The following PHACTR3 variants were observed in gnomAD, a reference collection of about 807,000 sequenced individuals.
PHACTR3 encodes the protein phosphatase and actin regulator 3, also known as protein phosphatase 1, regulatory subunit 123.
Under a neutral mutation model 66.8 loss-of-function variants are expected in PHACTR3, and 16 were observed. The ratio of observed to expected loss-of-function variants is 0.24; its 90% confidence interval spans 0.16 to 0.36. The LOEUF is 0.36. Ranked by LOEUF, PHACTR3 falls within the 10% of genes least tolerant of loss-of-function variation. The probability of loss-of-function intolerance (pLI) is 1.00; values close to 1 mark genes in which losing one functional copy is unlikely to be tolerated. For missense variants in PHACTR3, 647 were observed against 719.9 expected, an observed-to-expected ratio of 0.90 and a Z score of 1.16; for synonymous variants, 323 against 292.1, an observed-to-expected ratio of 1.11 and a Z score of -1.08.
At chr20:59,714,664 G>A (rs1188248474) in intron 1 of PHACTR3, among the ~76,000 whole-genome samples, 5 of 151,914 alleles carry the variant, frequency 3.3e-5, no homozygotes, top group Non-Finnish European at 7.4e-5. Context: ...AGTCATTCTT[G>A]GTTCTAGACA....
intron 1 of PHACTR3, among the ~76,000 whole-genome samples, chr20:59,648,511 T>C (rs2035359018): frequency 6.6e-6 from 1 of 152,210 alleles, no homozygotes; most frequent in Non-Finnish European, 1.5e-5. Flanking sequence ...AAAAACATCT[T>C]TAAAATCTCC....
chr20:59,748,794 T>C lies in PHACTR3; in HGVS notation c.358+959T>C, dbSNP rs188266595. On this transcript the variant is annotated intron_variant, in intron 3 of 12. Transcript: ENST00000371015. Reference sequence around the variant, plus strand: ...GTTTCCTGAGGCTTGCATGGATATATTGAATTCCTCTCTCCCCACTTCAGC... The same window carrying C: ...GTTTCCTGAGGCTTGCATGGATATACTGAATTCCTCTCTCCCCACTTCAGC... Among the ~76,000 whole-genome samples the C allele has an allele frequency of 1.8e-4, 27 of 152,304 alleles. No homozygotes were observed. In the East Asian group the frequency reaches 5.2e-3, roughly 29 times the overall value.
intron 1 of PHACTR3, among the ~76,000 whole-genome samples, chr20:59,714,838 G>A (rs2038040027): frequency 6.6e-6 from 1 of 151,976 alleles, no homozygotes; most frequent in South Asian, 2.1e-4. Flanking sequence ...TTGTATTTAG[G>A]CTATTTTTCT....
intron 3 of PHACTR3, among the ~76,000 whole-genome samples, chr20:59,751,802 G>T (rs191566931): frequency 6.6e-6 from 1 of 152,112 alleles, no homozygotes; most frequent in East Asian, 2.0e-4. Context: ...AGGGCAGAGG[G>T]GACCCCTCTG....
chr20:59,752,433 C>T (rs531277282), intron 3 of PHACTR3, among the ~76,000 whole-genome samples: 3 of 152,172 alleles, frequency 2.0e-5, no homozygotes, highest in South Asian at 2.1e-4. Flanking sequence ...GGGCTCCCAC[C>T]GCTCCCCCAA....
intron 7 of PHACTR3, among the ~76,000 whole-genome samples, chr20:59,794,553 T>C (rs2041198642): frequency 6.6e-6 from 1 of 152,186 alleles, no homozygotes; most frequent in African/African-American, 2.4e-5. Context: ...ATGCTGGCCT[T>C]GTAGAATAGT....
intron 8 of PHACTR3, among the ~76,000 whole-genome samples, chr20:59,810,268 A>G (rs144056629): frequency 3.3e-5 from 5 of 152,364 alleles, no homozygotes; most frequent in African/African-American, 1.2e-4. Flanking sequence ...TGTAAGAAGT[A>G]CCAAAAACAT....
Position 59,820,784 on chromosome 20 carries a change from C to T in PHACTR3, c.1328+14590C>T, listed in dbSNP as rs1600714971. 1.3e-5 allele frequency among the ~76,000 whole-genome samples: 2 copies of T among 152,176 alleles called. No individual in the cohort carries two copies. Among genetic ancestry groups the T allele is most frequent in the African/African-American group, 4.8e-5 (2 of 41,430 alleles). ...GTAAGAAAATGCAAAACAACATCAACCCCCATTCAGTGTCAATAAAACATG... is the reference window on the plus strand; with the variant it reads ...GTAAGAAAATGCAAAACAACATCAATCCCCATTCAGTGTCAATAAAACATG... On this transcript the variant is annotated intron_variant, in intron 8 of 12. Coordinates refer to ENST00000371015, the MANE Select transcript of PHACTR3 (RefSeq NM_080672.5). This position sits in a 1 kb window ranked among gnomAD's most constrained non-coding sequence, Gnocchi z 4.6.
chr20:59,638,212 C>T (rs1219215662), intron 1 of PHACTR3, among the ~76,000 whole-genome samples: 3 of 152,208 alleles, frequency 2.0e-5, no homozygotes, highest in Admixed American at 6.5e-5. Context: ...TGTCATTTAA[C>T]TGCTATTTAG....
chr20:59,631,019 G>A (rs766344121), intron 1 of PHACTR3, among the ~76,000 whole-genome samples: 35 of 152,352 alleles, frequency 2.3e-4, no homozygotes, highest in Non-Finnish European at 3.2e-4. Context: ...ATGCTGGCAT[G>A]TGGAGCTAGC....
chr20:59,632,611 G>A (rs1197253984), intron 1 of PHACTR3, among the ~76,000 whole-genome samples: 3 of 152,280 alleles, frequency 2.0e-5, no homozygotes, highest in East Asian at 1.9e-4. Flanking sequence ...TGGATCCAGC[G>A]TGTGTGAAGC....
chr20:59,710,916 T>C (rs1229737712), intron 1 of PHACTR3, among the ~76,000 whole-genome samples: 1 of 152,064 alleles, frequency 6.6e-6, no homozygotes, highest in Non-Finnish European at 1.5e-5. Flanking sequence ...AAGTCTTTTT[T>C]CTTTTTGAGT....
intron 1 of PHACTR3, among the ~76,000 whole-genome samples, chr20:59,733,746 C>T (rs1223079021): frequency 6.6e-6 from 1 of 152,178 alleles, no homozygotes; most frequent in Admixed American, 6.5e-5. Context: ...TTGTCCTCAT[C>T]TGTAATGTAG....
chr20:59,755,952 A>G (rs375401603), intron 4 of PHACTR3, among the ~76,000 whole-genome samples: 31 of 152,244 alleles, frequency 2.0e-4, no homozygotes, highest in African/African-American at 7.0e-4. Flanking sequence ...TCCCTCTGTT[A>G]AATGGGAAAA....
intron 1 of PHACTR3, among the ~76,000 whole-genome samples, chr20:59,734,778 A>G (rs145309171): frequency 6.6e-6 from 1 of 152,082 alleles, no homozygotes; most frequent in Non-Finnish European, 1.5e-5. Flanking sequence ...CCATTCCCCA[A>G]ACACCATGTA....
intron 3 of PHACTR3, among the ~76,000 whole-genome samples, chr20:59,754,431 G>A (rs370271799): frequency 3.9e-5 from 6 of 152,366 alleles, no homozygotes; most frequent in East Asian, 1.9e-4. Flanking sequence ...GGTGCCATGT[G>A]TGGTCATCTG....
chr20:59,740,278 G>A (rs2039106075), intron 1 of PHACTR3, among the ~76,000 whole-genome samples: 1 of 151,972 alleles, frequency 6.6e-6, no homozygotes, highest in Non-Finnish European at 1.5e-5. Flanking sequence ...GTGTATTGTG[G>A]ATGTTTATCT....
chr20:59,784,651 C>T (rs963323912), intron 7 of PHACTR3, among the ~76,000 whole-genome samples: 1 of 152,126 alleles, frequency 6.6e-6, no homozygotes, highest in African/African-American at 2.4e-5. Context: ...TTTATTCACC[C>T]TGTAAAGAAA....
intron 1 of PHACTR3, among the ~76,000 whole-genome samples, chr20:59,659,411 T>C (rs1055995717): frequency 6.8e-6 from 1 of 147,172 alleles, no homozygotes; most frequent in African/African-American, 2.5e-5. Context: ...TCTCGCTCTG[T>C]CACCAGGCTG....
Sources: allele counts gnomAD v4.1 joint callset (sites outside exome capture counted in the v4.1 genomes callset), GRCh38; gene constraint gnomAD v4.1.1; non-coding constraint Gnocchi (gnomAD v3.1); transcripts MANE v1.5; gene names NCBI Gene and HGNC (gene_info 2026-07-23, HGNC 2026-07-21).